Variants in TAB2 observed in about 807,000 individuals in gnomAD.
TAB2 encodes TGF-beta activated kinase 1 (MAP3K7) binding protein 2.
Under a neutral mutation model 65.0 loss-of-function variants are expected in TAB2, and 3 were observed. The observed-to-expected ratio is 0.05, with a 90% CI of 0.02 to 0.12. The LOEUF (loss-of-function observed/expected upper bound fraction) is 0.12. Among genes scored for constraint, TAB2 ranks in the 10% least tolerant of loss-of-function variants. The pLI, the probability that TAB2 is intolerant of heterozygous loss-of-function variation, is 1.00. For missense variants in TAB2, 623 were observed against 840.3 expected, an observed-to-expected ratio of 0.74 and a Z score of 3.20; for synonymous variants, 298 against 285.1, an observed-to-expected ratio of 1.05 and a Z score of -0.46.
At chr6:149,289,045 G>C (rs1019464709) in intron 1 of TAB2, among the ~76,000 whole-genome samples, 4 of 151,766 alleles carry the variant, frequency 2.6e-5, no homozygotes, top group African/African-American at 9.7e-5. Flanking sequence ...TTTTAGTAGA[G>C]ATGGGGTTTT....
intron 3 of TAB2, 52 bp from the exon 4 acceptor site, chr6:149,397,552 G>T: frequency 6.3e-7 from 1 of 1,599,008 alleles, no homozygotes; most frequent in Non-Finnish European, 8.6e-7. Context: ...TCTGCTTAAA[G>T]GTTAATTGAT....
chr6:149,225,198 C>T (rs1335454868), intron 1 of TAB2, among the ~76,000 whole-genome samples: 3 of 152,164 alleles, frequency 2.0e-5, no homozygotes, highest in Non-Finnish European at 4.4e-5. Flanking sequence ...ATTCGAAAAG[C>T]AGGCAACAGG....
chr6:149,286,804 A>G (rs1215273202), intron 1 of TAB2, among the ~76,000 whole-genome samples: 2 of 152,158 alleles, frequency 1.3e-5, no homozygotes, highest in African/African-American at 4.8e-5. Flanking sequence ...TATTAAGGGG[A>G]AAAAAGGAGA....
intron 1 of TAB2, among the ~76,000 whole-genome samples, chr6:149,368,326 T>C (rs954420966): frequency 2.0e-5 from 3 of 151,960 alleles, no homozygotes; most frequent in Admixed American, 2.0e-4. Flanking sequence ...AAACTAAAAG[T>C]GTATAGTGGC....
intron 1 of TAB2, among the ~76,000 whole-genome samples, chr6:149,274,248 T>C (rs1354962764): frequency 6.6e-6 from 1 of 152,242 alleles, no homozygotes; most frequent in Non-Finnish European, 1.5e-5. Context: ...CAGGAGCAAC[T>C]GACCCGGTTA....
intron 1 of TAB2, among the ~76,000 whole-genome samples, chr6:149,253,635 A>AAG (rs1554254208): frequency 1.5e-4 from 19 of 127,590 alleles, no homozygotes; most frequent in African/African-American, 3.8e-4. Flanking sequence ...AAAAAAAAAA[A>AAG]AAAGAAAGCC....
rs756046050 is a variant in TAB2 at position 149,409,579 on chromosome 6, C to G, written c.1942C>G (p.Gln648Glu). ...VGPVPPKPKD[Q>E]RSIIKTPKTQ... ...AATAATTTTTTTCTTTCTTACAGAT[C>G]AAAGGTCCATCATCAAAACACCAAA... Residue 648 changes from glutamine (Q) to glutamate (E), a missense_variant and splice_region_variant, in exon 7 of 7, where the codon CAA becomes GAA. This residue lies in a region of TAB2 where 56 missense variants were observed against 130.3 expected (regional missense o/e 0.43). Coordinates refer to ENST00000637181, the MANE Select transcript of TAB2 (RefSeq NM_001292034.3). The G allele has an allele frequency of 6.2e-7, 1 of 1,613,454 alleles. No individual in the cohort carries two copies. The highest frequency in any genetic ancestry group is 8.5e-7 in the Non-Finnish European group (1 of 1,179,464).
intron 1 of TAB2, chr6:149,347,109 AT>A (rs1392819492): frequency 2.0e-5 from 3 of 152,248 alleles, no homozygotes; most frequent in Non-Finnish European, 4.4e-5. Context: ...TAGTTATATA[AT>A]ATGTTTTGAT....
chr6:149,387,987 A>T (rs994342015), intron 3 of TAB2, among the ~76,000 whole-genome samples: 29 of 152,322 alleles, frequency 1.9e-4, no homozygotes, highest in African/African-American at 6.7e-4. Context: ...ACATAATTGT[A>T]CCCATGTCCA....
chr6:149,322,138 G>C (rs1023140213), intron 1 of TAB2, among the ~76,000 whole-genome samples: 21 of 152,076 alleles, frequency 1.4e-4, no homozygotes, highest in Admixed American at 2.0e-4. Context: ...ATGTGCTAGG[G>C]ACTCTTCCAG....
intron 1 of TAB2, among the ~76,000 whole-genome samples, chr6:149,348,049 G>A (rs1780361192): frequency 6.6e-6 from 1 of 152,038 alleles, no homozygotes. Context: ...GTAATTCATG[G>A]CAGTGTGATA....
At chr6:149,358,640 C>CTGTCTGTGTGTGTGTGTGTGTG (rs1780746408) in intron 1 of TAB2, among the ~76,000 whole-genome samples, 1 of 121,634 alleles carries the variant, frequency 8.2e-6, no homozygotes, top group Admixed American at 9.1e-5. Context: ...CTTCAGAACT[C>CTGTCTGTGTGTGTGTGTGTGTG]TGTGTGTGTG....
chr6:149,253,958 AAAAGAAAGAAAGAAAGAAAGAAAG>A (rs545364740), intron 1 of TAB2, among the ~76,000 whole-genome samples: 33 of 76,366 alleles, frequency 4.3e-4, no homozygotes, highest in African/African-American at 1.1e-3. Flanking sequence ...GAAAGAAAGA[AAAAGAAAGAAAGAAAGAAAGAAAG>A]AAAGAAAGAA....
intron 1 of TAB2, among the ~76,000 whole-genome samples, chr6:149,272,782 G>A (rs1562395842): frequency 6.6e-6 from 1 of 152,186 alleles, no homozygotes; most frequent in African/African-American, 2.4e-5. Context: ...GGGATTTTTA[G>A]ACTTGACATC....
intron 1 of TAB2, among the ~76,000 whole-genome samples, chr6:149,312,008 G>A (rs1779173950): frequency 6.6e-6 from 1 of 152,204 alleles, no homozygotes; most frequent in African/African-American, 2.4e-5. Flanking sequence ...ACTACAATAT[G>A]TCATGAAAGG....
intron 1 of TAB2, among the ~76,000 whole-genome samples, chr6:149,288,824 G>A (rs4895783): frequency 0.22 from 33,799 of 150,460 alleles, 4,048 homozygotes; most frequent in East Asian, 0.43. Flanking sequence ...CCCTCAACAC[G>A]AGGACCAGAG....
intron 1 of TAB2, among the ~76,000 whole-genome samples, chr6:149,277,190 C>A (rs1778491893): frequency 1.3e-5 from 2 of 152,276 alleles, no homozygotes; most frequent in African/African-American, 4.8e-5. Context: ...TCTTTATCAG[C>A]AGCATGAAAA....
At chr6:149,299,428 C>T (rs1364875573) in intron 1 of TAB2, among the ~76,000 whole-genome samples, 1 of 152,072 alleles carries the variant, frequency 6.6e-6, no homozygotes, top group Non-Finnish European at 1.5e-5. Flanking sequence ...AAAAATTAGC[C>T]AGGCGTGGTG....
chr6:149,320,064 A>T (rs564405), intron 1 of TAB2, among the ~76,000 whole-genome samples: 18,584 of 151,932 alleles, frequency 0.12, 1,738 homozygotes, highest in East Asian at 0.51. Flanking sequence ...ATTTTTTTTT[A>T]ATTTTGTTTT....
Sources: gnomAD v4.1 joint callset for allele counts (sites outside exome capture counted in the v4.1 genomes callset) on GRCh38, gnomAD v4.1.1 for gene constraint, gnomAD v4.1.1 regional missense constraint, MANE v1.5 for transcripts, NCBI Gene and HGNC (gene_info 2026-07-23, HGNC 2026-07-21) for gene names.